The following ATRNL1 variants were observed in gnomAD, a reference collection of about 807,000 sequenced individuals.
The protein encoded by ATRNL1 is attractin like 1.
ATRNL1 carries 95 observed loss-of-function variants against 182.7 expected under a neutral mutation model. The ratio of observed to expected loss-of-function variants is 0.52; its 90% CI spans 0.44 to 0.62. The LOEUF is 0.62. Among genes scored for constraint, ATRNL1 ranks in the 20% least tolerant of loss-of-function variants. The pLI, the probability that ATRNL1 is intolerant of heterozygous loss-of-function variation, is 0.00. For missense variants in ATRNL1, 1,471 were observed against 1,679.5 expected (o/e 0.88, Z 2.17); for synonymous variants, 576 against 568.3 (o/e 1.01, Z -0.19).
chr10:115,727,180 C>A, intron 26 of ATRNL1, 68 bp from the exon 27 acceptor site: 1 of 1,073,238 alleles, frequency 9.3e-7, no homozygotes, highest in Non-Finnish European at 1.4e-6. Context: ...AAAGAGGGAA[C>A]CAGATATTGT....
chr10:115,496,292 A>G (rs371443657), intron 24 of ATRNL1, among the ~76,000 whole-genome samples: 5 of 152,088 alleles, frequency 3.3e-5, no homozygotes, highest in Admixed American at 1.3e-4. Flanking sequence ...TCAGTTATCT[A>G]TGTACTTAAG....
intron 9 of ATRNL1, among the ~76,000 whole-genome samples, chr10:115,222,820 GA>G (rs1462723947): frequency 1.3e-5 from 2 of 152,100 alleles, no homozygotes; most frequent in Non-Finnish European, 2.9e-5. Context: ...TGAAGTAGAA[GA>G]AAAATGATCC....
chr10:115,649,812 A>G (rs1441172741), intron 26 of ATRNL1, among the ~76,000 whole-genome samples: 1 of 152,170 alleles, frequency 6.6e-6, no homozygotes, highest in Non-Finnish European at 1.5e-5. Flanking sequence ...TGTGCAGATT[A>G]ACCACCATTT....
intron 13 of ATRNL1, among the ~76,000 whole-genome samples, chr10:115,272,422 A>T (rs1851907121): frequency 6.6e-6 from 1 of 152,180 alleles, no homozygotes; most frequent in Non-Finnish European, 1.5e-5. Context: ...GGTGTAAGGA[A>T]CCCAAAGTGG....
chr10:115,489,366 C>T (rs1351551489), intron 24 of ATRNL1, among the ~76,000 whole-genome samples: 2 of 152,102 alleles, frequency 1.3e-5, no homozygotes, highest in African/African-American at 4.8e-5. Flanking sequence ...GTCTAAGTCT[C>T]TTTGTGGGCC....
In ATRNL1 at chr10:115,946,263, T is replaced by A. The variant is rs1323165248; in HGVS notation, c.*1484T>A. 1 of 152,252 alleles carries A rather than the reference T, an allele frequency of 6.6e-6. No individual in the cohort carries two copies. The highest frequency in any genetic ancestry group is 1.5e-5 in the Non-Finnish European group (1 of 68,036). The allele number at this position is 152,252 out of a possible 1,614,324, so 9.4% of individuals were successfully genotyped here. On this transcript the variant is annotated 3_prime_UTR_variant, in exon 29 of 29. Transcript: ENST00000355044. ...GTTATGACACTTTACTGTTTACAGC[T>A]AATGCATAGTTACTTGCATGCCATG...
At chr10:115,757,761 C>G (rs1249857780) in intron 27 of ATRNL1, among the ~76,000 whole-genome samples, 1 of 152,140 alleles carries the variant, frequency 6.6e-6, no homozygotes, top group Non-Finnish European at 1.5e-5. Context: ...TGTTTTCCAA[C>G]TCGGTTCCAT....
At chr10:115,287,000 G>T (rs1159426572) in intron 15 of ATRNL1, among the ~76,000 whole-genome samples, 6 of 151,826 alleles carry the variant, frequency 4.0e-5, no homozygotes, top group Admixed American at 3.3e-4. Flanking sequence ...TACATAAGGG[G>T]TATGATATTT....
chr10:115,668,950 G>T (rs1945604774), intron 26 of ATRNL1, among the ~76,000 whole-genome samples: 2 of 152,066 alleles, frequency 1.3e-5, no homozygotes, highest in South Asian at 4.1e-4. Flanking sequence ...CTGATTTCTT[G>T]ATATTAAATT....
At chr10:115,678,370 G>T (rs564987012) in intron 26 of ATRNL1, among the ~76,000 whole-genome samples, 4 of 151,944 alleles carry the variant, frequency 2.6e-5, no homozygotes, top group African/African-American at 4.8e-5. Flanking sequence ...AATAAACTAC[G>T]AATCTTTTTA....
At chr10:115,641,668 A>G (rs1459058478) in intron 26 of ATRNL1, among the ~76,000 whole-genome samples, 3 of 152,166 alleles carry the variant, frequency 2.0e-5, no homozygotes, top group African/African-American at 7.2e-5. Flanking sequence ...CTCATAAAAC[A>G]TTAGCTAGCA....
chr10:115,562,139 G>A (rs1181601394), intron 26 of ATRNL1, among the ~76,000 whole-genome samples: 1 of 152,098 alleles, frequency 6.6e-6, no homozygotes, highest in Non-Finnish European at 1.5e-5. Flanking sequence ...AACAACTGAT[G>A]AATGGACAAA....
intron 10 of ATRNL1, among the ~76,000 whole-genome samples, chr10:115,242,548 T>A (rs1850467466): frequency 6.6e-6 from 1 of 151,942 alleles, no homozygotes; most frequent in Non-Finnish European, 1.5e-5. Context: ...TTTGAAGCGA[T>A]TAGGAAACAT....
At chr10:115,386,544 C>G (rs369814058) in intron 19 of ATRNL1, among the ~76,000 whole-genome samples, 1 of 152,144 alleles carries the variant, frequency 6.6e-6, no homozygotes, top group Non-Finnish European at 1.5e-5. Context: ...TTCAGTAAGA[C>G]TGATTAACAA....
chr10:115,137,525 G>A (rs561893711), intron 5 of ATRNL1, among the ~76,000 whole-genome samples: 3 of 152,272 alleles, frequency 2.0e-5, no homozygotes, highest in Admixed American at 2.0e-4. Flanking sequence ...TGGCTGGGGG[G>A]GCCTCACAAT....
At chr10:115,787,551 A>G (rs1555080659) in intron 27 of ATRNL1, among the ~76,000 whole-genome samples, 1 of 152,122 alleles carries the variant, frequency 6.6e-6, no homozygotes, top group East Asian at 1.9e-4. Context: ...AGTAATCCAC[A>G]TACTAGGGAT....
intron 27 of ATRNL1, among the ~76,000 whole-genome samples, chr10:115,754,528 T>C (rs1948534201): frequency 6.6e-6 from 1 of 152,136 alleles, no homozygotes; most frequent in Non-Finnish European, 1.5e-5. Context: ...GTTACATTGG[T>C]TTATATATCT....
intron 26 of ATRNL1, among the ~76,000 whole-genome samples, chr10:115,582,526 G>T (rs1438903829): frequency 1.6e-5 from 2 of 123,166 alleles, no homozygotes; most frequent in African/African-American, 2.7e-5. Context: ...TGTGTTTTTT[G>T]GCTGCATAAA....
At chr10:115,559,618 A>G (rs1853569892) in intron 26 of ATRNL1, among the ~76,000 whole-genome samples, 2 of 152,182 alleles carry the variant, frequency 1.3e-5, no homozygotes, top group South Asian at 4.1e-4. Flanking sequence ...TCTAAATACC[A>G]TTCACCAATA....
Sources: allele counts gnomAD v4.1 joint callset (sites outside exome capture counted in the v4.1 genomes callset), GRCh38; gene constraint gnomAD v4.1.1; transcripts MANE v1.5; gene names NCBI Gene and HGNC (gene_info 2026-07-23, HGNC 2026-07-21).